The following ADSS2 variants were observed in gnomAD, a reference collection of about 807,000 sequenced individuals.
ADSS2 encodes adenylosuccinate synthetase isozyme 2.
A neutral mutation model predicts 60.0 loss-of-function variants in ADSS2; 30 were observed. The ratio of observed to expected loss-of-function variants is 0.50; its 90% confidence interval spans 0.37 to 0.68. The LOEUF (loss-of-function observed/expected upper bound fraction) is 0.68. Ranked by LOEUF, ADSS2 falls within the 30% of genes least tolerant of loss-of-function variation. The probability of loss-of-function intolerance (pLI) is 0.00; values close to 1 mark genes in which losing one functional copy is unlikely to be tolerated. For synonymous variants in ADSS2, 187 were observed against 193.1 expected, an observed-to-expected ratio of 0.97 and a Z score of 0.26; for missense variants, 373 against 554.8, an observed-to-expected ratio of 0.67 and a Z score of 3.29.
chr1:244,426,517 C>T (rs191830361), intron 4 of ADSS2, among the ~76,000 whole-genome samples: 151 of 152,264 alleles, frequency 9.9e-4, no homozygotes, highest in Non-Finnish European at 1.8e-3. Flanking sequence ...ATCTGTTTCA[C>T]TTTCTACAGC....
rs143032889 is a variant in ADSS2 at position 244,430,865 on chromosome 1, T to C, written c.406+1680A>G. Among the ~76,000 whole-genome samples, 355 of 152,330 alleles carry C rather than the reference T, an allele frequency of 2.3e-3. 5 individuals carry two copies. The highest frequency in any genetic ancestry group is 8.1e-3 in the African/African-American group (336 of 41,584). On this transcript the variant is annotated intron_variant, in intron 4 of 12. Transcript: ENST00000366535. ...GGCCGGATGCAGTGGCTCACGCCTG[T>C]AATCCCAGCACTTTGGGCGGCCAAG...
rs1250970778 is a variant in ADSS2, at chr1:244,436,862, C to T, written c.318G>A (p.Leu106=). The change falls in exon 3 of 13, where the codon TTG becomes TTA. Residue 106 remains leucine, a synonymous_variant. Transcript: ENST00000366535. ...GAACATTTTTCTCTGCTTCTTCAAA[C>T]AATCCAGGTAGATGAATTACCACAC... ...GNGVVIHLPG[L]FEEAEKNVQK... is the part of the protein sequence containing the mutation. 1 of 1,612,012 alleles carries T rather than the reference C, an allele frequency of 6.2e-7. No individual in the cohort carries two copies. Among genetic ancestry groups the T allele is most frequent in the East Asian group, 2.2e-5 (1 of 44,692 alleles).
In ADSS2 at chr1:244,420,291, A is replaced by G. The variant is rs1218239818; in HGVS notation, c.669T>C (p.Tyr223=). 3 of 1,611,718 alleles carry G rather than the reference A, an allele frequency of 1.9e-6. No homozygotes were observed. Among genetic ancestry groups the G allele is most frequent in the East Asian group, 2.2e-5 (1 of 44,812 alleles). ...TCACCATTGGTTTAATCTTTTCCATATAACCCTATACACAAAGACAAAAAC... is the reference window on the plus strand; with the variant it reads ...TCACCATTGGTTTAATCTTTTCCATGTAACCCTATACACAAAGACAAAAAC... The part of the protein sequence containing the change: ...IEGELQKLKG[Y]MEKIKPMVRD... The change falls in exon 8 of 13, where the codon TAT becomes TAC. Residue 223 remains tyrosine (Y), a synonymous_variant. Transcript: ENST00000366535.
intron 1 of ADSS2, among the ~76,000 whole-genome samples, chr1:244,441,433 T>G (rs1665245790): frequency 6.6e-6 from 1 of 152,200 alleles, no homozygotes; most frequent in African/African-American, 2.4e-5. Context: ...AATTACTAAG[T>G]TTAATGAATT....
chr1:244,416,152 G>C (rs1466318770), intron 10 of ADSS2, 74 bp from the exon 11 acceptor site: 6 of 987,922 alleles, frequency 6.1e-6, no homozygotes, highest in Non-Finnish European at 9.2e-6. Flanking sequence ...GATTAATGCA[G>C]GAGTAAAGAA....
chr1:244,431,831 A>G (rs764950887), intron 4 of ADSS2, among the ~76,000 whole-genome samples: 1 of 152,174 alleles, frequency 6.6e-6, no homozygotes, highest in Admixed American at 6.5e-5. Flanking sequence ...AGGGACCGTT[A>G]TTTGATTTCT....
chr1:244,437,794 G>T (rs1392849495), intron 1 of ADSS2, 26 bp from the exon 2 acceptor site: 1 of 1,478,566 alleles, frequency 6.8e-7, no homozygotes, highest in Non-Finnish European at 9.5e-7. Flanking sequence ...GGGGAAAATT[G>T]AGCCTGATGA....
intron 4 of ADSS2, among the ~76,000 whole-genome samples, chr1:244,425,692 T>C (rs1246715915): frequency 1.3e-5 from 2 of 152,194 alleles, no homozygotes; most frequent in Non-Finnish European, 2.9e-5. Context: ...ATCATATCTT[T>C]TTATGATCAA....
intron 3 of ADSS2, among the ~76,000 whole-genome samples, chr1:244,434,199 TA>T (rs1334218032): frequency 6.8e-6 from 1 of 147,520 alleles, no homozygotes; most frequent in Non-Finnish European, 1.5e-5. Flanking sequence ...AAAAAAAAAT[TA>T]AAAAACCTAG....
At chr1:244,417,345 G>C (rs528096159) in intron 10 of ADSS2, among the ~76,000 whole-genome samples, 1 of 152,172 alleles carries the variant, frequency 6.6e-6, no homozygotes, top group Admixed American at 6.5e-5. Flanking sequence ...CTACCCACCT[G>C]TCTATCTGTC....
rs950477005 is a variant in ADSS2, at chr1:244,418,389, T to A, written c.945+371A>T. Among the ~76,000 whole-genome samples, 8 of 152,236 alleles carry A rather than the reference T, an allele frequency of 5.3e-5. No individual in the cohort carries two copies. The South Asian group carries it at 1.7e-3, about 31-fold the overall frequency. ...CCGGCTGGAGTGCCATGGTGCCATC[T>A]CAGCTCACTGCAACCTCTGCTTCCT... On this transcript the variant is annotated intron_variant, in intron 9 of 12. Coordinates refer to ENST00000366535, the MANE Select transcript of ADSS2 (RefSeq NM_001126.5).
chr1:244,431,937 C>A (rs985833808), intron 4 of ADSS2, among the ~76,000 whole-genome samples: 1 of 152,210 alleles, frequency 6.6e-6, no homozygotes, highest in Non-Finnish European at 1.5e-5. Context: ...ACAGGACACA[C>A]GCATACTTAA....
In ADSS2 at chr1:244,423,855, T is replaced by C. The variant is rs1664731149; in HGVS notation, c.581+98A>G. ...AACCTAAAAAAGCCAACCACCACTA[T>C]TTAACTAGAATACCGACTGTATCAT... On this transcript the variant is annotated intron_variant, in intron 6 of 12. Coordinates refer to ENST00000366535, the MANE Select transcript of ADSS2 (RefSeq NM_001126.5). The C allele has an allele frequency of 1.5e-5, 13 of 885,878 alleles. No individual in the cohort carries two copies. The East Asian group carries it at 3.0e-4, about 21-fold the overall frequency. 54.9% of individuals were successfully genotyped at this position (885,878 alleles called of 1,614,324 possible). A position where few individuals can be genotyped will look rare whatever the true frequency, so the allele number is the denominator to read the frequency against.
intron 9 of ADSS2, 141 bp from the exon 10 acceptor site, chr1:244,417,893 C>T (rs954605487): frequency 1.3e-6 from 1 of 742,298 alleles, no homozygotes; most frequent in Non-Finnish European, 2.0e-6. Context: ...TAGAATTCCA[C>T]AGAGATGATG....
At chr1:244,419,138 C>T in intron 8 of ADSS2, 2 of 407,326 alleles carry the variant, frequency 4.9e-6, no homozygotes, top group South Asian at 1.1e-4. Context: ...CAGAGAGGCT[C>T]CTTGAATGCA....
intron 1 of ADSS2, among the ~76,000 whole-genome samples, chr1:244,443,837 T>C (rs563886669): frequency 2.6e-5 from 4 of 152,018 alleles, no homozygotes; most frequent in African/African-American, 9.6e-5. Flanking sequence ...AGTGGCAGAG[T>C]GGCGGAGCGG....
intron 12 of ADSS2, 58 bp downstream of exon 12, chr1:244,411,229 A>AG: frequency 6.5e-7 from 1 of 1,539,328 alleles, no homozygotes; most frequent in East Asian, 2.3e-5. Flanking sequence ...AAAAAAAAAA[A>AG]AAGAAAAAAG....
intron 1 of ADSS2, among the ~76,000 whole-genome samples, chr1:244,446,798 A>C (rs1394424555): frequency 6.6e-6 from 1 of 152,232 alleles, no homozygotes; most frequent in Non-Finnish European, 1.5e-5. Context: ...AGCTCTTTGT[A>C]AATGTTTGAT....
In ADSS2 at chr1:244,451,311, C is replaced by T. The variant is rs1483638793; in HGVS notation, c.183+324G>A. 1.3e-5 allele frequency among the ~76,000 whole-genome samples: 2 copies of T among 152,216 alleles called. No homozygotes were observed. Among genetic ancestry groups the T allele is most frequent in the Non-Finnish European group, 2.9e-5 (2 of 68,036 alleles). ...AACTCGGACCGCATCCCACCTCCAC[C>T]CCGGCCTCAGTCCCGGCGCTGAGCA... On this transcript the variant is annotated intron_variant, in intron 1 of 12. Coordinates refer to ENST00000366535, the MANE Select transcript of ADSS2 (RefSeq NM_001126.5). The surrounding 1 kb of genome is among the most constrained non-coding windows in gnomAD (Gnocchi z 6.6).
Sources: allele counts gnomAD v4.1 joint callset (sites outside exome capture counted in the v4.1 genomes callset), GRCh38; gene constraint gnomAD v4.1.1; non-coding constraint Gnocchi (gnomAD v3.1); transcripts MANE v1.5; gene names NCBI Gene and HGNC (gene_info 2026-07-23, HGNC 2026-07-21).